The following ACADM variants were observed in gnomAD, a reference collection of about 807,000 sequenced individuals.
The protein encoded by ACADM is medium-chain specific acyl-CoA dehydrogenase, mitochondrial.
A neutral mutation model predicts 58.9 loss-of-function variants in ACADM; 49 were observed. The observed-to-expected ratio is 0.83, with a 90% CI of 0.66 to 1.06. ACADM has a LOEUF of 1.06. Among genes scored for constraint, ACADM ranks in the 50% least tolerant of loss-of-function variants. The pLI, the probability that ACADM is intolerant of heterozygous loss-of-function variation, is 0.00. For synonymous variants in ACADM, 160 were observed against 157.7 expected (o/e 1.01, Z -0.11); for missense variants, 496 against 507.0 (o/e 0.98, Z 0.21).
chr1:75,748,457 G>A (rs879068335), intron 8 of ACADM, among the ~76,000 whole-genome samples: 1 of 152,168 alleles, frequency 6.6e-6, no homozygotes, highest in Admixed American at 6.5e-5. Flanking sequence ...TTTTATTAAT[G>A]ATTGCTAAAA....
chr1:75,744,998 C>A (rs1282194716), intron 7 of ACADM, among the ~76,000 whole-genome samples: 1 of 152,102 alleles, frequency 6.6e-6, no homozygotes, highest in Non-Finnish European at 1.5e-5. Context: ...ATACTATAGT[C>A]CCTCCTTATC....
chr1:75,760,497 A>T (rs1207287841), intron 10 of ACADM, among the ~76,000 whole-genome samples: 1 of 134,428 alleles, frequency 7.4e-6, no homozygotes, highest in African/African-American at 2.7e-5. Context: ...GTGATCTGAG[A>T]TCATGCCATT....
rs59063908 is a variant in ACADM, at chr1:75,760,544, C to CAAAAAA, written c.946-547_946-542dup. 6.8e-4 allele frequency among the ~76,000 whole-genome samples: 24 copies of CAAAAAA among 35,486 alleles called. 2 individuals are homozygous for CAAAAAA. The highest frequency in any genetic ancestry group is 1.5e-3 in the African/African-American group (21 of 14,438). The allele number at this position is 35,486 out of a possible 152,430, so 23.3% of individuals were successfully genotyped here. ...TGGAAAACAAAGTGAGACCCTGTCT[C>CAAAAAA]AAAAAAAAAAAAAAAAAAAAAAAAA... On this transcript the variant is annotated intron_variant, in intron 10 of 11. Coordinates refer to ENST00000370841, the MANE Select transcript of ACADM (RefSeq NM_000016.6).
intron 2 of ACADM, among the ~76,000 whole-genome samples, chr1:75,730,396 C>CT (rs1162817235): frequency 6.6e-6 from 1 of 152,080 alleles, no homozygotes; most frequent in Non-Finnish European, 1.5e-5. Context: ...GCATCTGGTT[C>CT]TTTATCTGTA....
intron 10 of ACADM, 124 bp downstream of exon 10, chr1:75,750,670 T>A: frequency 6.6e-6 from 5 of 753,636 alleles, no homozygotes; most frequent in East Asian, 2.7e-5. Context: ...ATAATGTGGT[T>A]TTATCAAGAT....
At chr1:75,746,768 T>C (rs967616923) in intron 8 of ACADM, among the ~76,000 whole-genome samples, 13 of 151,908 alleles carry the variant, frequency 8.6e-5, no homozygotes, top group African/African-American at 3.1e-4. Flanking sequence ...CTGGCTAATT[T>C]TTGTATTTTT....
At chr1:75,743,588 C>T in intron 7 of ACADM, 1 of 1,577,164 alleles carries the variant, frequency 6.3e-7, no homozygotes. Context: ...TCAAAGATGC[C>T]ATGCATCCCC....
chr1:75,750,648 G>C (rs1167639178), intron 10 of ACADM, 102 bp downstream of exon 10: 2 of 804,288 alleles, frequency 2.5e-6, no homozygotes, highest in East Asian at 5.3e-5. Flanking sequence ...TTTCTACTTT[G>C]ATAGCAAGAA....
In ACADM at chr1:75,732,836, A is replaced by G; in HGVS notation, c.217-17A>G. On this transcript the variant is annotated splice_polypyrimidine_tract_variant and intron_variant, in intron 3 of 11. Coordinates refer to ENST00000370841, the MANE Select transcript of ACADM (RefSeq NM_000016.6). ...TGGATTTCAAAATATATTTTAACTC[A>G]GTTCTTTTTCTTCTAGTATCCAGTC... The G allele has an allele frequency of 6.2e-7, 1 of 1,611,384 alleles. No homozygotes were observed. Among genetic ancestry groups the G allele is most frequent in the Non-Finnish European group, 8.5e-7 (1 of 1,177,554 alleles).
At chr1:75,731,427 T>C (rs989374726) in intron 2 of ACADM, among the ~76,000 whole-genome samples, 9 of 152,316 alleles carry the variant, frequency 5.9e-5, no homozygotes, top group African/African-American at 1.9e-4. Context: ...TGCTCTCATT[T>C]TTCTTGCTTG....
intron 1 of ACADM, among the ~76,000 whole-genome samples, chr1:75,726,927 C>A (rs779556561): frequency 6.6e-6 from 1 of 151,408 alleles, no homozygotes; most frequent in Non-Finnish European, 1.5e-5. Context: ...GCCTCAGCGT[C>A]CCGAGTAGCT....
chr1:75,733,406 A>G (rs1647185928), intron 4 of ACADM, 122 bp from the exon 5 acceptor site: 2 of 1,051,938 alleles, frequency 1.9e-6, no homozygotes, highest in South Asian at 1.4e-5. Context: ...TGTAGATATT[A>G]TATTGCAAAT....
chr1:75,735,842 A>G (rs78160109), intron 6 of ACADM, among the ~76,000 whole-genome samples: 1 of 29,418 alleles, frequency 3.4e-5, no homozygotes, highest in African/African-American at 8.1e-5. Context: ...ACTCTGTCTC[A>G]AAAAAAAAAA....
intron 7 of ACADM, chr1:75,744,789 C>A: frequency 1.7e-6 from 1 of 601,492 alleles, no homozygotes; most frequent in Non-Finnish European, 3.0e-6. Flanking sequence ...GCGGCCGGGT[C>A]TCCGTTTTAT....
intron 10 of ACADM, among the ~76,000 whole-genome samples, chr1:75,760,582 C>CAAAAAAAAA (rs1553127079): frequency 6.9e-5 from 3 of 43,592 alleles, no homozygotes; most frequent in Non-Finnish European, 1.0e-4. Context: ...AAAAAAAAAT[C>CAAAAAAAAA]AGGCAAACTG....
rs181105227 is a variant in ACADM, at chr1:75,736,773, T to C, written c.468+1902T>C. 3.1e-3 allele frequency among the ~76,000 whole-genome samples: 475 copies of C among 152,362 alleles called. 2 individuals are homozygous for C. The highest frequency in any genetic ancestry group is 4.6e-3 in the Non-Finnish European group (310 of 68,038). The stretch of plus-strand genomic sequence containing the variant: ...TATAAAATACTGAGTATAGAAAATT[T>C]AGAAATGTTTTAAGTAGAACAAAAA... On this transcript the variant is annotated intron_variant, in intron 6 of 11. Transcript: ENST00000370841.
Position 75,762,806 on chromosome 1 carries a change from C to A in ACADM, c.*43C>A. The A allele has an allele frequency of 8.2e-7, 1 of 1,215,160 alleles. No homozygotes were observed. The highest frequency in any genetic ancestry group is 1.2e-6 in the Non-Finnish European group (1 of 832,816). The allele number at this position is 1,215,160 out of a possible 1,614,324, so 75.3% of individuals were successfully genotyped here. A position where few individuals can be genotyped will look rare whatever the true frequency, so the allele number is the denominator to read the frequency against. ...TATTGAATAACTAGAACACAAGCCA[C>A]TGTTTCAGCTCCAGAAAAAAGAAAG... On this transcript the variant is annotated 3_prime_UTR_variant, in exon 12 of 12. Transcript: ENST00000370841.
intron 10 of ACADM, among the ~76,000 whole-genome samples, chr1:75,752,281 C>CA (rs1428672217): frequency 3.9e-5 from 6 of 152,182 alleles, no homozygotes; most frequent in African/African-American, 1.4e-4. Context: ...CAGTGGTTCT[C>CA]AAACTATTTG....
intron 7 of ACADM, chr1:75,745,471 G>A (rs913208497): frequency 3.7e-6 from 1 of 270,074 alleles, no homozygotes; most frequent in East Asian, 8.8e-5. Context: ...GCGCAACAGA[G>A]TGAGATCTTG....
Sources: gnomAD v4.1 joint callset for allele counts (sites outside exome capture counted in the v4.1 genomes callset) on GRCh38, gnomAD v4.1.1 for gene constraint, MANE v1.5 for transcripts, NCBI Gene and HGNC (gene_info 2026-07-23, HGNC 2026-07-21) for gene names.